Variants in KIF26A observed in about 807,000 individuals in gnomAD.
KIF26A encodes the protein kinesin family member 26A.
A neutral mutation model predicts 126.0 loss-of-function variants in KIF26A; 74 were observed. That is an observed-to-expected ratio of 0.59 (90% CI 0.49 to 0.71). The LOEUF (loss-of-function observed/expected upper bound fraction) is 0.71, where lower values mean the gene tolerates loss of function less well. Ranked by LOEUF, KIF26A falls within the 30% of genes least tolerant of loss-of-function variation. KIF26A has a pLI of 0.00. For synonymous variants in KIF26A, 1,445 were observed against 1,232.7 expected (o/e 1.17, Z -3.61); for missense variants, 2,984 against 2,763.3 (o/e 1.08, Z -1.79).
At position 104,151,423 on chromosome 14, in the gene KIF26A, G is replaced by C. The variant is rs1445150761; in HGVS notation, c.289-592G>C. 2.0e-5 allele frequency among the ~76,000 whole-genome samples: 3 copies of C among 152,236 alleles called. No individual in the cohort carries two copies. The highest frequency in any genetic ancestry group is 1.9e-4 in the East Asian group (1 of 5,192). On this transcript the variant is annotated intron_variant, in intron 2 of 14. Transcript: ENST00000423312. The surrounding 1 kb of genome is among the most constrained non-coding windows in gnomAD (Gnocchi z 4.9). ...GGGGGTGGGGCCCTGGGCTGTACCCGATCCTGCGGCTCTTGCGCCCCTTCG... is the reference window on the plus strand; with the variant it reads ...GGGGGTGGGGCCCTGGGCTGTACCCCATCCTGCGGCTCTTGCGCCCCTTCG...
Position 104,157,828 on chromosome 14 carries a change from G to A in KIF26A, c.809G>A (p.Gly270Asp), listed in dbSNP as rs764425895. The change falls in exon 4 of 15, where the codon GGC becomes GAC. Residue 270 changes from glycine (G) to aspartate (D), a missense_variant. Coordinates refer to ENST00000423312, the MANE Select transcript of KIF26A (RefSeq NM_015656.2). Reference sequence around the variant, plus strand: ...TGCCCCCCCGTGGCCGGCCCTGATGGCTTGTCGAAGGCCTGGGGCCGTGGT... The same window carrying A: ...TGCCCCCCCGTGGCCGGCCCTGATGACTTGTCGAAGGCCTGGGGCCGTGGT... ...RECPPVAGPD[G>D]LSKAWGRGGV... 8.1e-6 allele frequency: 13 copies of A among 1,609,568 alleles called. No individual in the cohort carries two copies. Among genetic ancestry groups the A allele is most frequent in the East Asian group, 2.2e-5 (1 of 44,770 alleles).
chr14:104,166,066 C>G (rs941109301), intron 4 of KIF26A, among the ~76,000 whole-genome samples: 1 of 151,286 alleles, frequency 6.6e-6, no homozygotes, highest in Non-Finnish European at 1.5e-5. Context: ...CCTGGCGGTG[C>G]TGGGGCAAGG....
At chr14:104,167,829 G>A in intron 5 of KIF26A, among the ~76,000 whole-genome samples, 1 of 147,488 alleles carries the variant, frequency 6.8e-6, no homozygotes, top group South Asian at 2.5e-4. Context: ...GCCCCCTCCC[G>A]CCCAGCACCC....
intron 2 of KIF26A, among the ~76,000 whole-genome samples, chr14:104,149,464 C>A (rs1399551822): frequency 2.0e-5 from 3 of 152,190 alleles, no homozygotes; most frequent in Non-Finnish European, 4.4e-5. Context: ...TCGGCTTGTC[C>A]CCAGTGGGGG....
chr14:104,174,935 G>A (rs1399490262), intron 11 of KIF26A, 47 bp from the exon 12 acceptor site: 12 of 1,461,816 alleles, frequency 8.2e-6, no homozygotes, highest in Non-Finnish European at 9.0e-6. Context: ...GGAAGCGGGG[G>A]CGTGTAGGGG....
intron 10 of KIF26A, 67 bp downstream of exon 10, chr14:104,173,935 G>C: frequency 6.7e-7 from 1 of 1,500,820 alleles, no homozygotes; most frequent in Non-Finnish European, 8.9e-7. Context: ...ATCCGTGTCT[G>C]GTGTGCCCGG....
At chr14:104,171,629 C>G (rs1315091008) in intron 5 of KIF26A, 94 bp from the exon 6 acceptor site, 1 of 1,103,014 alleles carries the variant, frequency 9.1e-7, no homozygotes, top group Non-Finnish European at 1.3e-6. Context: ...AGGCCTGGCC[C>G]GCTGTCCCCA....
At chr14:104,166,548 C>A (rs2037904599) in intron 4 of KIF26A, among the ~76,000 whole-genome samples, 1 of 152,106 alleles carries the variant, frequency 6.6e-6, no homozygotes, top group African/African-American at 2.4e-5. Context: ...TGAGGGCACA[C>A]CCCTTGGTGG....
Position 104,174,170 on chromosome 14 carries a change from C to G in KIF26A, c.2053C>G (p.Leu685Val). The change falls in exon 11 of 15, where the codon CTG becomes GTG. Residue 685 changes from leucine (L) to valine (V), a missense_variant. Transcript: ENST00000423312. ...PYRDHRLTML[L>V]RESLATAGCR... is the part of the protein sequence containing the mutation. ...CAGGGACCACAGGCTCACCATGCTG[C>G]TGCGTGAATCCCTGGCCACCGCTGG... 1 of 1,587,444 alleles carries G rather than the reference C, an allele frequency of 6.3e-7. No individual in the cohort carries two copies. The highest frequency in any genetic ancestry group is 8.6e-7 in the Non-Finnish European group (1 of 1,166,218).
chr14:104,160,805 T>G (rs879586404), intron 4 of KIF26A, among the ~76,000 whole-genome samples: 1 of 152,214 alleles, frequency 6.6e-6, no homozygotes. Flanking sequence ...CATGCTGGTA[T>G]GGGGGTCCCC....
Position 104,168,523 on chromosome 14 carries a change from G to A in KIF26A, c.1113+1475G>A, listed in dbSNP as rs112170657. ...CTTACCATCTTCATAGGCCATGGCG[G>A]GTCCGGGTGGGGGCATCAGGCAGTT... On this transcript the variant is annotated intron_variant, in intron 5 of 14. Coordinates refer to ENST00000423312, the MANE Select transcript of KIF26A (RefSeq NM_015656.2). Among the ~76,000 whole-genome samples, 5 of 152,274 alleles carry A rather than the reference G, an allele frequency of 3.3e-5. No individual in the cohort carries two copies. The South Asian group carries it at 1.0e-3, about 32-fold the overall frequency.
chr14:104,145,871 C>T (rs963308890), intron 2 of KIF26A, among the ~76,000 whole-genome samples: 5 of 152,228 alleles, frequency 3.3e-5, no homozygotes, highest in African/African-American at 9.6e-5. Context: ...CCCCTCTCCC[C>T]GACCCCCGCA....
At chr14:104,155,751 G>C (rs529450795) in intron 3 of KIF26A, among the ~76,000 whole-genome samples, 122 of 152,372 alleles carry the variant, frequency 8.0e-4, no homozygotes, top group African/African-American at 2.8e-3. Flanking sequence ...AGGTCAGTGT[G>C]GGGAGGCCCA....
rs865972178 is a variant in KIF26A at position 104,166,977 on chromosome 14, C to T, written c.1042C>T (p.Pro348Ser). 105 of 1,584,204 alleles carry T rather than the reference C, an allele frequency of 6.6e-5. No homozygotes were observed. Among genetic ancestry groups the T allele is most frequent in the Non-Finnish European group, 8.7e-5 (101 of 1,166,332 alleles). Reference sequence around the variant, plus strand: ...CTTCAGCGGGGTCCTGCAGCTGTGGCCGCCCCCGGCGCCCCCCTGCCTGCT... The same window carrying T: ...CTTCAGCGGGGTCCTGCAGCTGTGGTCGCCCCCGGCGCCCCCCTGCCTGCT... The part of the protein sequence containing the change: ...TDFSGVLQLW[P>S]PPAPPCLLRA... The change falls in exon 5 of 15, where the codon CCG becomes TCG. Residue 348 changes from proline to serine, a missense_variant. Transcript: ENST00000423312.
chr14:104,138,916 G>C, intron 1 of KIF26A, 127 bp from the exon 2 acceptor site: 2 of 1,266,072 alleles, frequency 1.6e-6, no homozygotes, highest in Non-Finnish European at 1.0e-6. Context: ...GGGAGTGGGT[G>C]AGCGCCAGGG....
chr14:104,179,988 CA>C lies in KIF26A; in HGVS notation c.*199del. The C allele has an allele frequency of 1.8e-6, 1 of 542,436 alleles. No homozygotes were observed. The highest frequency in any genetic ancestry group is 3.1e-6 in the Non-Finnish European group (1 of 322,722). 33.6% of individuals were successfully genotyped at this position (542,436 alleles called of 1,614,324 possible). The stretch of plus-strand genomic sequence containing the variant: ...GACAGAGCGAGGGTGCCAGGGTGAC[CA>C]GAAGACCGTCACCACCCGACAGCAA... On this transcript the variant is annotated 3_prime_UTR_variant, in exon 15 of 15. Coordinates refer to ENST00000423312, the MANE Select transcript of KIF26A (RefSeq NM_015656.2).
chr14:104,168,897 C>G (rs1015083117), intron 5 of KIF26A, among the ~76,000 whole-genome samples: 3 of 151,146 alleles, frequency 2.0e-5, no homozygotes, highest in Non-Finnish European at 4.4e-5. Context: ...GGGACTAGGC[C>G]GGGGGTCACT....
In KIF26A at chr14:104,171,869, A is replaced by G; in HGVS notation, c.1260A>G (p.Arg420=). The G allele has an allele frequency of 6.4e-7, 1 of 1,555,266 alleles. No homozygotes were observed. ...AGPPGSAGPR[R]AATAAVPKMF... The stretch of plus-strand genomic sequence containing the variant: ...CCCCAGGCAGCGCAGGCCCCCGGCG[A>G]GCCGCCACTGCTGCAGTTCCCAAGA... Residue 420 remains arginine, a synonymous_variant, in exon 6 of 15, where the codon CGA becomes CGG. Transcript: ENST00000423312.
chr14:104,166,614 G>T (rs988692703), intron 4 of KIF26A, among the ~76,000 whole-genome samples: 1 of 152,160 alleles, frequency 6.6e-6, no homozygotes, highest in African/African-American at 2.4e-5. Flanking sequence ...TGTGGGTCTG[G>T]ACCCTGTCAC....
Sources: gnomAD v4.1 joint callset for allele counts (sites outside exome capture counted in the v4.1 genomes callset) on GRCh38, gnomAD v4.1.1 for gene constraint, Gnocchi (gnomAD v3.1) non-coding constraint, MANE v1.5 for transcripts, NCBI Gene and HGNC (gene_info 2026-07-23, HGNC 2026-07-21) for gene names.